Variants in STK35 observed in about 807,000 individuals in gnomAD.
STK35 encodes the protein serine/threonine kinase 35, also known as serine/threonine-protein kinase 35.
STK35 carries 17 observed loss-of-function variants against 37.3 expected under a neutral mutation model. The ratio of observed to expected loss-of-function variants is 0.46; its 90% CI spans 0.31 to 0.68. The LOEUF is 0.68. STK35 is among the 30% of genes least tolerant of loss of function. The probability of loss-of-function intolerance (pLI) is 0.05; values close to 1 mark genes in which losing one functional copy is unlikely to be tolerated. For missense variants in STK35, 595 were observed against 746.7 expected (o/e 0.80, Z 2.37); for synonymous variants, 385 against 319.1 (o/e 1.21, Z -2.20).
chr20:2,143,728 C>A (rs1600625229), intron 3 of STK35, 56 bp from the exon 4 acceptor site: 1 of 340,702 alleles, frequency 2.9e-6, no homozygotes, highest in East Asian at 1.0e-4. Flanking sequence ...GGGTTGAGGG[C>A]TGGTGCCCAG....
rs1380857151 is a variant in STK35 at position 2,146,559 on chromosome 20, A to C, written c.*2813A>C. 1 of 152,752 alleles carries C rather than the reference A, an allele frequency of 6.5e-6. No individual in the cohort carries two copies. The highest frequency in any genetic ancestry group is 1.5e-5 in the Non-Finnish European group (1 of 68,110). 9.5% of individuals were successfully genotyped at this position (152,752 alleles called of 1,614,324 possible). A position where few individuals can be genotyped will look rare whatever the true frequency, so the allele number is the denominator to read the frequency against. On this transcript the variant is annotated 3_prime_UTR_variant, in exon 4 of 4. Transcript: ENST00000381482. ...TTCCCGTCAGAAGAATCAGCAGGAC[A>C]GATCGTAGTGCCTTATTCCATTGTC... is the stretch of plus-strand genomic sequence containing the variant.
Position 2,143,878 on chromosome 20 carries a change from G to A in STK35, c.*132G>A, listed in dbSNP as rs1360524163. ...CTGGCCGGTTGGCGATCTCCCGACA[G>A]CTGGATCCGGCAATGTGAAGCTTTT... is the stretch of plus-strand genomic sequence containing the variant. On this transcript the variant is annotated 3_prime_UTR_variant, in exon 4 of 4. Transcript: ENST00000381482. The A allele has an allele frequency of 1.3e-5, 6 of 449,308 alleles. No homozygotes were observed. Among genetic ancestry groups the A allele is most frequent in the African/African-American group, 1.2e-4 (6 of 49,446 alleles). The allele number at this position is 449,308 out of a possible 1,614,324, so 27.8% of individuals were successfully genotyped here. A position where few individuals can be genotyped will look rare whatever the true frequency, so the allele number is the denominator to read the frequency against.
At chr20:2,103,970 A>T (rs907514215) in intron 2 of STK35, among the ~76,000 whole-genome samples, 1 of 151,914 alleles carries the variant, frequency 6.6e-6, no homozygotes, top group Non-Finnish European at 1.5e-5. Flanking sequence ...CAGGCTGACA[A>T]CCCTCACAGG....
rs1433576102 is a variant in STK35 at position 2,146,209 on chromosome 20, C to T, written c.*2463C>T. ...CTCAAACACTTGCCCACCTCAGGCA[C>T]TCAGCGGGCTCCGCCGTGGTGAGAG... On this transcript the variant is annotated 3_prime_UTR_variant, in exon 4 of 4. Coordinates refer to ENST00000381482, the MANE Select transcript of STK35 (RefSeq NM_080836.4). The T allele has an allele frequency of 6.6e-6, 1 of 152,322 alleles. No homozygotes were observed. The highest frequency in any genetic ancestry group is 1.5e-5 in the Non-Finnish European group (1 of 68,100). The allele number at this position is 152,322 out of a possible 1,614,324, so 9.4% of individuals were successfully genotyped here. A position where few individuals can be genotyped will look rare whatever the true frequency, so the allele number is the denominator to read the frequency against.
At chr20:2,102,731 C>T in intron 1 of STK35, 37 bp from the exon 2 acceptor site, 2 of 1,379,920 alleles carry the variant, frequency 1.4e-6, no homozygotes, top group Non-Finnish European at 1.9e-6. Context: ...GCCTCCCCGC[C>T]TTGGCCTGGC....
At chr20:2,109,368 C>G (rs1317388181) in intron 2 of STK35, among the ~76,000 whole-genome samples, 1 of 152,240 alleles carries the variant, frequency 6.6e-6, no homozygotes, top group Non-Finnish European at 1.5e-5. Context: ...AACTCTCTGC[C>G]TGGCTGGTGG....
intron 2 of STK35, among the ~76,000 whole-genome samples, chr20:2,104,512 G>A (rs1985476887): frequency 6.6e-6 from 1 of 152,152 alleles, no homozygotes; most frequent in Admixed American, 6.5e-5. Context: ...CTTAAGTGAC[G>A]GGGATCCCAG....
chr20:2,103,408 C>CTAGAAAAATGAAATCTTTTGCTTTAGG, intron 2 of STK35, 43 bp downstream of exon 2: 1 of 1,560,710 alleles, frequency 6.4e-7, no homozygotes, highest in Non-Finnish European at 8.7e-7. Flanking sequence ...GGGCCTGGAC[C>CTAGAAAAATGAAATCTTTTGCTTTAGG]CCCTGCTCTC....
At chr20:2,108,492 A>T (rs1985558481) in intron 2 of STK35, among the ~76,000 whole-genome samples, 1 of 152,216 alleles carries the variant, frequency 6.6e-6, no homozygotes, top group African/African-American at 2.4e-5. Flanking sequence ...CCTGGGCGAC[A>T]GAGCAAGACT....
At chr20:2,129,936 G>C (rs1435860163) in intron 3 of STK35, among the ~76,000 whole-genome samples, 1 of 152,152 alleles carries the variant, frequency 6.6e-6, no homozygotes, top group Non-Finnish European at 1.5e-5. Context: ...GCCCAGGTAG[G>C]AGGCTGTAGC....
chr20:2,143,768 G>A lies in STK35; in HGVS notation c.*38-16G>A, dbSNP rs774583995. 14 of 374,298 alleles carry A rather than the reference G, an allele frequency of 3.7e-5. No homozygotes were observed. The highest frequency in any genetic ancestry group is 1.9e-4 in the South Asian group (10 of 51,548). The allele number at this position is 374,298 out of a possible 1,614,324, so 23.2% of individuals were successfully genotyped here. On this transcript the variant is annotated splice_polypyrimidine_tract_variant and intron_variant, in intron 3 of 3. Coordinates refer to ENST00000381482, the MANE Select transcript of STK35 (RefSeq NM_080836.4). ...GCTGACCAATGTCCCCTCCTTACCC[G>A]CCTTCTGTCTTCCAGGTCGATTCCT...
intron 3 of STK35, among the ~76,000 whole-genome samples, chr20:2,124,478 A>T (rs2122564336): frequency 6.6e-6 from 1 of 152,298 alleles, no homozygotes; most frequent in East Asian, 1.9e-4. Flanking sequence ...TGTACCCCGA[A>T]GTGGGTAAGA....
intron 3 of STK35, among the ~76,000 whole-genome samples, chr20:2,139,527 G>T (rs1316954048): frequency 6.6e-6 from 1 of 152,196 alleles, no homozygotes; most frequent in African/African-American, 2.4e-5. Context: ...AAAAGCAGGG[G>T]ATTTGGAGTG....
intron 3 of STK35, among the ~76,000 whole-genome samples, chr20:2,118,695 A>G (rs1985764397): frequency 6.6e-6 from 1 of 152,252 alleles, no homozygotes; most frequent in South Asian, 2.1e-4. Context: ...CCATTAGATT[A>G]TAATGGAACT....
intron 3 of STK35, among the ~76,000 whole-genome samples, chr20:2,139,940 T>C (rs1986146268): frequency 2.0e-5 from 3 of 152,188 alleles, no homozygotes; most frequent in Non-Finnish European, 2.9e-5. Flanking sequence ...TGCAAGCTAC[T>C]GGAACCATTG....
Position 2,144,192 on chromosome 20 carries a change from C to T in STK35, c.*446C>T, listed in dbSNP as rs540793176. 3.6e-6 allele frequency: 1 copy of T among 274,606 alleles called. No individual in the cohort carries two copies. Among genetic ancestry groups the T allele is most frequent in the South Asian group, 3.1e-5 (1 of 32,058 alleles). 17.0% of individuals were successfully genotyped at this position (274,606 alleles called of 1,614,324 possible). ...ACTTTTCTCAGTTCTACTTATGACA[C>T]CTCACTTCCCTAGAGAAGGCCTGCC... On this transcript the variant is annotated 3_prime_UTR_variant, in exon 4 of 4. Coordinates refer to ENST00000381482, the MANE Select transcript of STK35 (RefSeq NM_080836.4).
chr20:2,124,843 G>A (rs1174881900), intron 3 of STK35, among the ~76,000 whole-genome samples: 1 of 152,168 alleles, frequency 6.6e-6, no homozygotes, highest in East Asian at 1.9e-4. Flanking sequence ...CTCCCCAGGT[G>A]GGGAAGGCTG....
At chr20:2,127,225 G>A (rs539005403) in intron 3 of STK35, among the ~76,000 whole-genome samples, 1 of 152,046 alleles carries the variant, frequency 6.6e-6, no homozygotes, top group South Asian at 2.1e-4. Flanking sequence ...TGTGGGGAAA[G>A]AAAACCCTTC....
rs1246185625 is a variant in STK35 at position 2,102,894 on chromosome 20, G to A, written c.421G>A (p.Ala141Thr). Residue 141 changes from alanine to threonine, a missense_variant, in exon 2 of 4, where the codon GCC becomes ACC. Coordinates refer to ENST00000381482, the MANE Select transcript of STK35 (RefSeq NM_080836.4). The part of the protein sequence containing the change: ...PAAMETGKDG[A>T]RRGTQSPERK... ...AGCCATGGAAACGGGGAAGGACGGC[G>A]CCCGCAGAGGTACACAAAGCCCGGA... The A allele has an allele frequency of 3.2e-6, 5 of 1,565,824 alleles. No homozygotes were observed. The highest frequency in any genetic ancestry group is 4.3e-6 in the Non-Finnish European group (5 of 1,164,218).
Sources: allele counts gnomAD v4.1 joint callset (sites outside exome capture counted in the v4.1 genomes callset), GRCh38; gene constraint gnomAD v4.1.1; transcripts MANE v1.5; gene names NCBI Gene and HGNC (gene_info 2026-07-23, HGNC 2026-07-21).